SPATA6: variants seen among roughly 807,000 people sequenced by gnomAD.
SPATA6 encodes spermatogenesis-associated protein 6.
A neutral mutation model predicts 65.3 loss-of-function variants in SPATA6; 56 were observed. The observed-to-expected ratio is 0.86, with a 90% confidence interval of 0.69 to 1.07. SPATA6 has a LOEUF of 1.07. SPATA6 is among the 50% of genes least tolerant of loss of function. SPATA6 has a pLI of 0.00. For missense variants in SPATA6, 590 were observed against 594.8 expected (o/e 0.99, Z 0.08); for synonymous variants, 199 against 213.2 (o/e 0.93, Z 0.58).
rs375119753 is a variant in SPATA6, at chr1:48,435,823, C to T, written c.238+15729G>A. On this transcript the variant is annotated intron_variant, in intron 3 of 12. Transcript: ENST00000371847. Reference sequence around the variant, plus strand: ...CAGGGCTCTGGCGCCCGCCCCTGTCCGCACCGCTGGCAGCCTGAAGAGAGT... The same window carrying T: ...CAGGGCTCTGGCGCCCGCCCCTGTCTGCACCGCTGGCAGCCTGAAGAGAGT... 1.7e-3 allele frequency: 1,555 copies of T among 917,666 alleles called. 16 individuals are homozygous for T. In the Admixed American group the frequency reaches 0.022, roughly 13 times the overall value. The allele number at this position is 917,666 out of a possible 1,614,324, so 56.8% of individuals were successfully genotyped here.
the SPATA6 span, among the ~76,000 whole-genome samples, chr1:48,273,057 T>C: frequency 2.0e-5 from 3 of 152,208 alleles, no homozygotes; most frequent in African/African-American, 7.2e-5. Flanking sequence ...TTTTCCTCAT[T>C]CCGAATATTG....
chr1:48,380,758 G>A (rs971296011), intron 9 of SPATA6, among the ~76,000 whole-genome samples: 6 of 152,124 alleles, frequency 3.9e-5, no homozygotes, highest in Admixed American at 6.5e-5. Context: ...ATGTGCATGT[G>A]TATGTGTTTG....
intron 11 of SPATA6, among the ~76,000 whole-genome samples, chr1:48,338,354 T>C (rs1390594550): frequency 1.3e-5 from 2 of 152,174 alleles, no homozygotes; most frequent in Non-Finnish European, 2.9e-5. Flanking sequence ...ATTTTCACAA[T>C]GATTGTATTT....
At chr1:48,423,564 CTTTTTTTTTT>C (rs781669150) in intron 3 of SPATA6, among the ~76,000 whole-genome samples, 10 of 121,044 alleles carry the variant, frequency 8.3e-5, no homozygotes, top group Non-Finnish European at 1.3e-4. Flanking sequence ...TTCTTTCTTT[CTTTTTTTTTT>C]TTTTTTTTTG....
chr1:48,398,630 A>G (rs1320252728), intron 7 of SPATA6, among the ~76,000 whole-genome samples: 1 of 151,832 alleles, frequency 6.6e-6, no homozygotes, highest in Non-Finnish European at 1.5e-5. Context: ...AGCTTTCAGT[A>G]AAGAATTGCT....
At chr1:48,361,986 T>A (rs780970281) in intron 9 of SPATA6, among the ~76,000 whole-genome samples, 21 of 152,006 alleles carry the variant, frequency 1.4e-4, no homozygotes, top group Middle Eastern at 3.4e-3. Flanking sequence ...TGATCAAGAC[T>A]GAAGAAAAAA....
the SPATA6 span, among the ~76,000 whole-genome samples, chr1:48,282,947 T>G: frequency 2.0e-5 from 3 of 151,964 alleles, no homozygotes; most frequent in Non-Finnish European, 4.4e-5. Context: ...TATCCAACAA[T>G]GATAGACTGG....
rs558951376 is a variant in SPATA6, at chr1:48,341,250, A to G, written c.1194+14420T>C. Among the ~76,000 whole-genome samples the G allele has an allele frequency of 7.9e-5, 12 of 152,284 alleles. No homozygotes were observed. The South Asian group carries it at 2.5e-3, about 32-fold the overall frequency. On this transcript the variant is annotated intron_variant, in intron 11 of 12. Coordinates refer to ENST00000371847, the MANE Select transcript of SPATA6 (RefSeq NM_019073.4). The stretch of plus-strand genomic sequence containing the variant: ...TTCCAGCCAGAATACACACAGTAGT[A>G]CCCCTAATCATCAGTTCCACTTCCC...
At chr1:48,414,304 A>G (rs776313106) in intron 3 of SPATA6, among the ~76,000 whole-genome samples, 1 of 152,170 alleles carries the variant, frequency 6.6e-6, no homozygotes, top group Admixed American at 6.5e-5. Flanking sequence ...GAGAAAAGAA[A>G]CCATTTTGAA....
At chr1:48,291,437 C>G (rs1384914326), downstream of SPATA6, among the ~76,000 whole-genome samples, 1 of 151,608 alleles carries the variant, frequency 6.6e-6, no homozygotes, top group Non-Finnish European at 1.5e-5. Context: ...GGTTCCCAGG[C>G]CAATGAAGTT....
Position 48,396,214 on chromosome 1 carries a change from T to C in SPATA6, c.781-860A>G, listed in dbSNP as rs546361618. 1.7e-3 allele frequency among the ~76,000 whole-genome samples: 258 copies of C among 151,876 alleles called. 1 individual carries two copies. Among genetic ancestry groups the C allele is most frequent in the African/African-American group, 5.9e-3 (247 of 41,532 alleles). ...AATCATAGTGACGTACCCATTAGGA[T>C]GGCTATTATGAAAATAAAGTGTGGG... On this transcript the variant is annotated intron_variant, in intron 7 of 12. Coordinates refer to ENST00000371847, the MANE Select transcript of SPATA6 (RefSeq NM_019073.4).
intron 9 of SPATA6, among the ~76,000 whole-genome samples, chr1:48,377,657 C>T (rs534211394): frequency 9.9e-5 from 15 of 152,256 alleles, no homozygotes; most frequent in African/African-American, 3.4e-4. Flanking sequence ...CCATGAAATA[C>T]CCATGAGTGC....
intron 7 of SPATA6, among the ~76,000 whole-genome samples, chr1:48,397,345 C>T (rs1650696747): frequency 6.6e-6 from 1 of 151,694 alleles, no homozygotes; most frequent in South Asian, 2.1e-4. Flanking sequence ...AAATGGTAAA[C>T]TTACGTATAT....
chr1:48,378,894 A>C (rs71645901), intron 9 of SPATA6, among the ~76,000 whole-genome samples: 1 of 152,236 alleles, frequency 6.6e-6, no homozygotes, highest in Non-Finnish European at 1.5e-5. Context: ...ACACACATAC[A>C]ATGGTATACT....
At chr1:48,421,440 T>C (rs952570733) in intron 3 of SPATA6, among the ~76,000 whole-genome samples, 2 of 152,140 alleles carry the variant, frequency 1.3e-5, no homozygotes, top group East Asian at 1.9e-4. Context: ...CTATCTTATA[T>C]GTTCAAGGAA....
chr1:48,325,751 G>T (rs1386646619), intron 11 of SPATA6: 1 of 498,306 alleles, frequency 2.0e-6, no homozygotes, highest in East Asian at 4.5e-5. Context: ...CTCGCGCAAG[G>T]TGTATGCCCC....
chr1:48,299,918 C>G (rs1285140656), intron 12 of SPATA6, among the ~76,000 whole-genome samples: 1 of 151,958 alleles, frequency 6.6e-6, no homozygotes, highest in African/African-American at 2.4e-5. Flanking sequence ...GAAAATTAGG[C>G]TAACTGTGAA....
At chr1:48,463,827 A>C (rs1408271821) in intron 1 of SPATA6, among the ~76,000 whole-genome samples, 1 of 152,166 alleles carries the variant, frequency 6.6e-6, no homozygotes, top group Non-Finnish European at 1.5e-5. Flanking sequence ...CTACAAATAC[A>C]AATAAAAGAT....
Position 48,305,769 on chromosome 1 carries a change from C to A in SPATA6, c.1286+18G>T, listed in dbSNP as rs919224126. 16 of 1,560,122 alleles carry A rather than the reference C, an allele frequency of 1.0e-5. No individual in the cohort carries two copies. In the African/African-American group the frequency reaches 1.9e-4, roughly 19 times the overall value. ...TTATCAGAACTATGAGAAGGATATA[C>A]ATATATTTCATTCATACCTATACTC... On this transcript the variant is annotated intron_variant, in intron 12 of 12. Transcript: ENST00000371847.
Sources: allele counts gnomAD v4.1 joint callset (sites outside exome capture counted in the v4.1 genomes callset), GRCh38; gene constraint gnomAD v4.1.1; transcripts MANE v1.5; gene names NCBI Gene and HGNC (gene_info 2026-07-23, HGNC 2026-07-21).